FBXL13: variants seen among roughly 807,000 people sequenced by gnomAD.
FBXL13 encodes the protein F-box and leucine rich repeat protein 13, also known as F-box and leucine-rich repeat protein 13.
A neutral mutation model predicts 83.6 loss-of-function variants in FBXL13; 67 were observed. The observed-to-expected ratio is 0.80, with a 90% CI of 0.66 to 0.98. The LOEUF (loss-of-function observed/expected upper bound fraction) is 0.98. FBXL13 is among the 50% of genes least tolerant of loss of function. The pLI, the probability that FBXL13 is intolerant of heterozygous loss-of-function variation, is 0.00. For synonymous variants in FBXL13, 272 were observed against 299.5 expected (o/e 0.91, Z 0.95); for missense variants, 822 against 866.5 (o/e 0.95, Z 0.64).
intron 16 of FBXL13, among the ~76,000 whole-genome samples, chr7:102,855,980 A>G (rs1233791040): frequency 6.6e-6 from 1 of 151,010 alleles, no homozygotes; most frequent in African/African-American, 2.4e-5. Flanking sequence ...TTTTAATGGT[A>G]TTGCATACCA....
chr7:102,903,339 T>C (rs2129466170), intron 11 of FBXL13, among the ~76,000 whole-genome samples: 1 of 152,234 alleles, frequency 6.6e-6, no homozygotes, highest in Non-Finnish European at 1.5e-5. Context: ...TTTCCAAATA[T>C]AAGATCGTAT....
chr7:102,973,434 T>G, intron 6 of FBXL13: 1 of 719,096 alleles, frequency 1.4e-6, no homozygotes, highest in Non-Finnish European at 2.5e-6. Context: ...TACATCAGAC[T>G]GGGACAATTC....
chr7:102,943,488 A>C (rs888546266), intron 8 of FBXL13, among the ~76,000 whole-genome samples: 4 of 152,238 alleles, frequency 2.6e-5, no homozygotes, highest in Non-Finnish European at 4.4e-5. Context: ...ATATAATTAA[A>C]AACAAAACCT....
chr7:102,813,420 G>T (rs750850396), exon 20 of FBXL13: 1 of 1,614,088 alleles, frequency 6.2e-7, no homozygotes, highest in East Asian at 2.2e-5. Flanking sequence ...ATGTTATGTT[G>T]TCAAGCTCTG....
chr7:103,054,393 A>G (rs1203447806), intron 2 of FBXL13, among the ~76,000 whole-genome samples: 1 of 150,644 alleles, frequency 6.6e-6, no homozygotes, highest in Admixed American at 6.6e-5. Context: ...CCGTCTGGAA[A>G]AAAAAAAAAA....
chr7:103,065,024 A>T (rs1798258840), intron 1 of FBXL13, among the ~76,000 whole-genome samples: 1 of 152,206 alleles, frequency 6.6e-6, no homozygotes, highest in Non-Finnish European at 1.5e-5. Flanking sequence ...AAGCAAACTA[A>T]GTGATTCCTG....
At chr7:102,960,971 G>C (rs1274888110) in intron 8 of FBXL13, among the ~76,000 whole-genome samples, 1 of 151,638 alleles carries the variant, frequency 6.6e-6, no homozygotes, top group Non-Finnish European at 1.5e-5. Context: ...CGTAGTGTTG[G>C]AAGTTCTGGC....
At chr7:103,044,018 G>C (rs904100687) in intron 2 of FBXL13, among the ~76,000 whole-genome samples, 29 of 152,152 alleles carry the variant, frequency 1.9e-4, no homozygotes, top group Non-Finnish European at 4.0e-4. Context: ...TGTGCCTCCA[G>C]ATGTGATGCA....
intron 6 of FBXL13, among the ~76,000 whole-genome samples, chr7:103,020,319 G>A (rs868541268): frequency 5.3e-5 from 8 of 152,168 alleles, no homozygotes; most frequent in South Asian, 2.1e-4. Context: ...TTGATGGGAC[G>A]TACCTAAAAA....
intron 6 of FBXL13, among the ~76,000 whole-genome samples, chr7:102,991,657 G>A (rs1179447247): frequency 5.9e-5 from 9 of 152,192 alleles, no homozygotes; most frequent in Non-Finnish European, 1.2e-4. Context: ...GCAATAAAAG[G>A]AGGGCTGTCT....
chr7:103,060,032 A>T (rs1413669297), intron 1 of FBXL13, among the ~76,000 whole-genome samples: 1 of 87,596 alleles, frequency 1.1e-5, no homozygotes, highest in African/African-American at 5.2e-5. Flanking sequence ...ATATATATAT[A>T]TATATATATA....
chr7:103,061,875 T>C (rs1406552685), intron 1 of FBXL13, among the ~76,000 whole-genome samples: 4 of 149,896 alleles, frequency 2.7e-5, no homozygotes, highest in Non-Finnish European at 3.0e-5. Context: ...GAGGCGGAGC[T>C]TGCAGTGAGC....
intron 8 of FBXL13, chr7:102,934,518 A>T: frequency 6.2e-7 from 1 of 1,611,102 alleles, no homozygotes; most frequent in Non-Finnish European, 8.5e-7. Flanking sequence ...AAAAATAAAA[A>T]ACTGCGGCAG....
At chr7:102,903,816 T>C (rs891708864) in intron 11 of FBXL13, among the ~76,000 whole-genome samples, 1 of 151,972 alleles carries the variant, frequency 6.6e-6, no homozygotes, top group African/African-American at 2.4e-5. Flanking sequence ...CAGGGATAAA[T>C]CCCACTTGGT....
chr7:102,913,160 T>C (rs756412148), exon 11 of FBXL13: 8 of 1,614,154 alleles, frequency 5.0e-6, no homozygotes, highest in East Asian at 2.2e-5. Context: ...TGTAAGCCTT[T>C]GTCTGTGAAC....
At position 102,860,917 on chromosome 7, in the gene FBXL13, A is replaced by C. The variant is rs115531400; in HGVS notation, c.1636-6057T>G. ...TAGTTGAGTGTGTATATGAACATAC[A>C]TATTTTATTCATATATATGTATGAA... On this transcript the variant is annotated intron_variant, in intron 16 of 19. Coordinates refer to ENST00000313221, the Ensembl canonical transcript of FBXL13. Among the ~76,000 whole-genome samples, 856 of 152,144 alleles carry C rather than the reference A, an allele frequency of 5.6e-3. 7 individuals are homozygous for C. Among genetic ancestry groups the C allele is most frequent in the African/African-American group, 0.02 (828 of 41,540 alleles).
intron 2 of FBXL13, among the ~76,000 whole-genome samples, chr7:103,051,076 G>A (rs1585562260): frequency 6.6e-6 from 1 of 152,252 alleles, no homozygotes; most frequent in Middle Eastern, 3.4e-3. Context: ...TAAGCTGGAA[G>A]GAACTTAGTT....
At chr7:102,903,685 T>C (rs537164038) in intron 11 of FBXL13, among the ~76,000 whole-genome samples, 2 of 152,188 alleles carry the variant, frequency 1.3e-5, no homozygotes, top group African/African-American at 2.4e-5. Flanking sequence ...CGTTGAGATG[T>C]TGAATTTGAT....
rs138135522 is a variant in FBXL13, at chr7:102,902,400, G to C, written c.1008+10686C>G. Among the ~76,000 whole-genome samples the C allele has an allele frequency of 1.1e-4, 16 of 152,176 alleles. 1 individual carries two copies. The East Asian group carries it at 3.1e-3, about 29-fold the overall frequency. On this transcript the variant is annotated intron_variant, in intron 11 of 19. Transcript: ENST00000313221. ...CTGTGGGTTGTCTCTTCACTTTGTT[G>C]ATTGTATCCTTTGCTGTGCAGAAGC...
Sources: gnomAD v4.1 joint callset for allele counts (sites outside exome capture counted in the v4.1 genomes callset) on GRCh38, gnomAD v4.1.1 for gene constraint, MANE v1.5 for transcripts, NCBI Gene and HGNC (gene_info 2026-07-23, HGNC 2026-07-21) for gene names.